The following SMAD9 variants were observed in gnomAD, a reference collection of about 807,000 sequenced individuals.
The protein encoded by SMAD9 is SMAD family member 9.
Under a neutral mutation model 46.1 loss-of-function variants are expected in SMAD9, and 36 were observed. That is an observed-to-expected ratio of 0.78 (90% CI 0.60 to 1.03). The LOEUF (loss-of-function observed/expected upper bound fraction) is 1.03, where lower values mean the gene tolerates loss of function less well. Among genes scored for constraint, SMAD9 ranks in the 50% least tolerant of loss-of-function variants. SMAD9 has a pLI of 0.00. For missense variants in SMAD9, 572 were observed against 599.8 expected, an observed-to-expected ratio of 0.95 and a Z score of 0.48; for synonymous variants, 245 against 237.1, an observed-to-expected ratio of 1.03 and a Z score of -0.31.
rs1412163866 is a variant in SMAD9, at chr13:36,845,332, CA to C, written c.*3343del. On this transcript the variant is annotated 3_prime_UTR_variant, in exon 7 of 7. Transcript: ENST00000379826. The stretch of plus-strand genomic sequence containing the variant: ...ATACTGAGTGTAAAACAAAACAAAA[CA>C]AAACATAAGGTATATGTGTTAAGTA... 1 of 152,044 alleles carries C rather than the reference CA, an allele frequency of 6.6e-6. No individual in the cohort carries two copies. Among genetic ancestry groups the C allele is most frequent in the African/African-American group, 2.4e-5 (1 of 41,370 alleles). The allele number at this position is 152,044 out of a possible 1,614,324, so 9.4% of individuals were successfully genotyped here.
At chr13:36,871,505 A>G (rs139417155) in intron 3 of SMAD9, among the ~76,000 whole-genome samples, 2,393 of 151,968 alleles carry the variant, frequency 0.016, 64 homozygotes, top group African/African-American at 0.055. Flanking sequence ...GTGACAGAGC[A>G]AGACTCCGTC....
At chr13:36,867,510 T>G (rs765918968) in intron 3 of SMAD9, 127 bp from the exon 4 acceptor site, 1 of 577,648 alleles carries the variant, frequency 1.7e-6, no homozygotes, top group Non-Finnish European at 3.1e-6. Context: ...AGAGAGACCA[T>G]ATTAATGTAA....
At chr13:36,879,206 C>G in intron 2 of SMAD9, 72 bp downstream of exon 2, 1 of 1,288,862 alleles carries the variant, frequency 7.8e-7, no homozygotes, top group Non-Finnish European at 1.1e-6. Context: ...GCTGGTGCCC[C>G]ATCATTCTCC....
chr13:36,866,046 A>G (rs1405199834), intron 4 of SMAD9, among the ~76,000 whole-genome samples: 1 of 152,204 alleles, frequency 6.6e-6, no homozygotes, highest in Non-Finnish European at 1.5e-5. Context: ...AAAACATGAC[A>G]TGAACAGATG....
chr13:36,899,364 GC>G (rs2058555072), intron 1 of SMAD9, among the ~76,000 whole-genome samples: 1 of 152,166 alleles, frequency 6.6e-6, no homozygotes, highest in Non-Finnish European at 1.5e-5. Context: ...CAGATTCCAT[GC>G]CATTTTGACC....
intron 5 of SMAD9, among the ~76,000 whole-genome samples, chr13:36,858,073 C>A (rs534286760): frequency 1.3e-5 from 2 of 151,808 alleles, no homozygotes; most frequent in African/African-American, 4.8e-5. Flanking sequence ...TACTGTAGAG[C>A]GATAGATGAA....
rs77856468 is a variant in SMAD9 at position 36,873,121 on chromosome 13, T to C, written c.413-206A>G. Among the ~76,000 whole-genome samples, 3,992 of 152,282 alleles carry C rather than the reference T, an allele frequency of 0.026. 72 individuals carry two copies. Among genetic ancestry groups the C allele is most frequent in the South Asian group, 0.043 (207 of 4,830 alleles). ...CTAAGAAGCAAGCATGTGAGTAAGC[T>C]AAGGTAACAGTCTTCTCCTTGTAAC... On this transcript the variant is annotated intron_variant, in intron 2 of 6. Transcript: ENST00000379826.
intron 1 of SMAD9, among the ~76,000 whole-genome samples, chr13:36,891,852 G>A (rs1374466737): frequency 6.6e-6 from 1 of 152,174 alleles, no homozygotes; most frequent in Non-Finnish European, 1.5e-5. Flanking sequence ...TCTGTTAAAT[G>A]CTACAGTCCC....
At chr13:36,865,129 C>T (rs985445789) in intron 5 of SMAD9, among the ~76,000 whole-genome samples, 5 of 152,202 alleles carry the variant, frequency 3.3e-5, no homozygotes, top group African/African-American at 9.6e-5. Context: ...TGCTAAGTCT[C>T]CAAAGGGAAC....
At chr13:36,887,780 A>G (rs1398099523) in intron 1 of SMAD9, among the ~76,000 whole-genome samples, 1 of 152,184 alleles carries the variant, frequency 6.6e-6, no homozygotes, top group Admixed American at 6.5e-5. Flanking sequence ...GGACAACAGA[A>G]GGGAAGAGGA....
chr13:36,868,556 A>G (rs2058258075), intron 3 of SMAD9, among the ~76,000 whole-genome samples: 1 of 152,106 alleles, frequency 6.6e-6, no homozygotes, highest in South Asian at 2.1e-4. Context: ...CCTGGGCAAC[A>G]TGATGAGACC....
At chr13:36,864,453 G>GT (rs757375432) in intron 5 of SMAD9, among the ~76,000 whole-genome samples, 6 of 152,188 alleles carry the variant, frequency 3.9e-5, no homozygotes, top group Non-Finnish European at 7.3e-5. Flanking sequence ...ACCCTGCTTA[G>GT]TTTGGTTAAC....
chr13:36,874,853 C>G (rs1234576260), intron 2 of SMAD9, among the ~76,000 whole-genome samples: 4 of 55,206 alleles, frequency 7.2e-5, no homozygotes, highest in African/African-American at 3.3e-4. Flanking sequence ...AGACTCCGTC[C>G]CAAAAAAAAA....
rs201645755 is a variant in SMAD9, at chr13:36,880,488, GA to G, written c.-186-614del. ...AAAATAAATACTAATGAAAAGAAAAGAAAAAAAGAATCGTGAATAATCTCAC... is the reference window on the plus strand; with the variant it reads ...AAAATAAATACTAATGAAAAGAAAAGAAAAAAGAATCGTGAATAATCTCAC... On this transcript the variant is annotated intron_variant, in intron 1 of 6. Coordinates refer to ENST00000379826, the MANE Select transcript of SMAD9 (RefSeq NM_001127217.3). 4.6e-4 allele frequency among the ~76,000 whole-genome samples: 70 copies of G among 152,140 alleles called. 1 individual carries two copies. The East Asian group carries it at 0.012, about 26-fold the overall frequency.
At chr13:36,854,093 A>G (rs1241914523) in intron 5 of SMAD9, among the ~76,000 whole-genome samples, 1 of 152,166 alleles carries the variant, frequency 6.6e-6, no homozygotes, top group East Asian at 1.9e-4. Flanking sequence ...TGGGAGGCAG[A>G]GGTTGCAGTG....
intron 1 of SMAD9, among the ~76,000 whole-genome samples, chr13:36,901,208 G>A (rs1200293904): frequency 2.6e-5 from 4 of 152,114 alleles, no homozygotes; most frequent in African/African-American, 9.7e-5. Flanking sequence ...GAATTGCTGG[G>A]TCATACAGTA....
In SMAD9 at chr13:36,851,425, C is replaced by A. The variant is rs191802257; in HGVS notation, c.1260+1994G>T. On this transcript the variant is annotated intron_variant, in intron 6 of 6. Transcript: ENST00000379826. ...GGCCCACCCTCATGTGCAGATGACT[C>A]CACTGCCCCCGTGCTCCAATTCCCT... 2.5e-3 allele frequency among the ~76,000 whole-genome samples: 384 copies of A among 152,314 alleles called. 6 individuals are homozygous for A. Among genetic ancestry groups the A allele is most frequent in the Non-Finnish European group, 2.1e-3 (143 of 68,028 alleles).
Position 36,848,541 on chromosome 13 carries a change from T to TA in SMAD9, c.*134dup, listed in dbSNP as rs1027368695. On this transcript the variant is annotated 3_prime_UTR_variant, in exon 7 of 7. Transcript: ENST00000379826. ...TAGAAAGCACAAAACAAACGGTGAT[T>TA]AAAAAAAATAAGAACAGTATACATT... The TA allele has an allele frequency of 3.5e-5, 32 of 904,130 alleles. No homozygotes were observed. The highest frequency in any genetic ancestry group is 4.5e-5 in the Non-Finnish European group (25 of 551,862). 56.0% of individuals were successfully genotyped at this position (904,130 alleles called of 1,614,324 possible). A position where few individuals can be genotyped will look rare whatever the true frequency, so the allele number is the denominator to read the frequency against.
intron 1 of SMAD9, among the ~76,000 whole-genome samples, chr13:36,900,229 G>A (rs1280162127): frequency 6.6e-6 from 1 of 152,084 alleles, no homozygotes; most frequent in East Asian, 1.9e-4. Flanking sequence ...GCCCTCATCT[G>A]CTTTGGGACT....
Sources: gnomAD v4.1 joint callset for allele counts (sites outside exome capture counted in the v4.1 genomes callset) on GRCh38, gnomAD v4.1.1 for gene constraint, MANE v1.5 for transcripts, NCBI Gene and HGNC (gene_info 2026-07-23, HGNC 2026-07-21) for gene names.